SMG6: variants seen among roughly 807,000 people sequenced by gnomAD.
SMG6 encodes the protein telomerase-binding protein EST1A.
Under a neutral mutation model 142.2 loss-of-function variants are expected in SMG6, and 66 were observed. The observed-to-expected ratio is 0.46, with a 90% CI of 0.38 to 0.57. The LOEUF (loss-of-function observed/expected upper bound fraction) is 0.57. Ranked by LOEUF, SMG6 falls within the 20% of genes least tolerant of loss-of-function variation. The probability of loss-of-function intolerance (pLI) is 0.00; values close to 1 mark genes in which losing one functional copy is unlikely to be tolerated. For missense variants in SMG6, 1,793 were observed against 1,832.0 expected (o/e 0.98, Z 0.39); for synonymous variants, 779 against 702.4 (o/e 1.11, Z -1.72).
At chr17:2,064,177 G>T (rs1286136086) in intron 18 of SMG6, among the ~76,000 whole-genome samples, 1 of 152,142 alleles carries the variant, frequency 6.6e-6, no homozygotes, top group East Asian at 1.9e-4. Context: ...GAAAGGCAAT[G>T]ACAAGAGACC....
Position 2,292,948 on chromosome 17 carries a change from T to A in SMG6, c.2181A>T (p.Arg727=). 1 of 1,614,142 alleles carries A rather than the reference T, an allele frequency of 6.2e-7. No individual in the cohort carries two copies. The highest frequency in any genetic ancestry group is 1.3e-5 in the African/African-American group (1 of 75,060). ...CAATATCTCCTTGGCATATCATGCA[T>A]CGCTGGGCACTGATCAAGGCATATT... The part of the protein sequence containing the change: ...TVKYALISAQ[R]CMICQGDIAR... The change falls in exon 5 of 19, where the codon CGA becomes CGT. Residue 727 remains arginine, a synonymous_variant. Transcript: ENST00000263073.
rs2075229920 is a variant in SMG6 at position 2,299,709 on chromosome 17, G to C, written c.1044C>G (p.Gly348=). 6.2e-7 allele frequency: 1 copy of C among 1,614,060 alleles called. No homozygotes were observed. The highest frequency in any genetic ancestry group is 1.3e-5 in the African/African-American group (1 of 74,916). ...CTGCATCGAAAGTGACACGAAGAGT[G>C]CCTCGATATTCTTTAGCACTGTTTT... ...EQKNSAKEYR[G]TLRVTFDAEA... Residue 348 remains glycine (G), a synonymous_variant, in exon 2 of 19, where the codon GGC becomes GGG. Coordinates refer to ENST00000263073, the MANE Select transcript of SMG6 (RefSeq NM_017575.5). This position sits in a 1 kb window ranked among gnomAD's most constrained non-coding sequence, Gnocchi z 4.3.
intron 1 of SMG6, chr17:2,303,001 G>T (rs2075318532): frequency 1.0e-6 from 1 of 985,342 alleles, no homozygotes; most frequent in Admixed American, 6.1e-5. Context: ...GAGACACTTA[G>T]AATCTTTCTT....
chr17:2,105,801 C>T (rs1010261657), intron 13 of SMG6, among the ~76,000 whole-genome samples: 1 of 152,150 alleles, frequency 6.6e-6, no homozygotes, highest in Non-Finnish European at 1.5e-5. Context: ...CAGCTGAATA[C>T]TTGATGAGCT....
intron 1 of SMG6, 54 bp from the exon 2 acceptor site, chr17:2,300,718 A>C: frequency 6.8e-7 from 1 of 1,466,744 alleles, no homozygotes; most frequent in South Asian, 1.4e-5. Flanking sequence ...AAGAATAAAG[A>C]AGGAAGATAG....
chr17:2,292,531 C>T, intron 6 of SMG6, 21 bp downstream of exon 6: 2 of 1,612,228 alleles, frequency 1.2e-6, no homozygotes, highest in Non-Finnish European at 1.7e-6. Context: ...GCACTTTTCC[C>T]CTGTCCACAG....
At chr17:2,124,399 T>C (rs961697040) in intron 13 of SMG6, among the ~76,000 whole-genome samples, 8 of 152,236 alleles carry the variant, frequency 5.3e-5, no homozygotes, top group Non-Finnish European at 1.2e-4. Context: ...CTAGCCTCTT[T>C]TCAGGAGAGA....
chr17:2,093,941 G>C (rs927571532), intron 13 of SMG6, among the ~76,000 whole-genome samples: 2 of 152,070 alleles, frequency 1.3e-5, no homozygotes, highest in Non-Finnish European at 2.9e-5. Flanking sequence ...GAACTAAGGT[G>C]CTAGATCCAG....
intron 10 of SMG6, among the ~76,000 whole-genome samples, chr17:2,220,830 G>A (rs2073149544): frequency 6.6e-6 from 1 of 152,050 alleles, no homozygotes; most frequent in Non-Finnish European, 1.5e-5. Context: ...AAAACTCCTT[G>A]AATATTTATA....
At chr17:2,285,666 C>T (rs2074888833) in intron 6 of SMG6, among the ~76,000 whole-genome samples, 1 of 152,052 alleles carries the variant, frequency 6.6e-6, no homozygotes, top group South Asian at 2.1e-4. Context: ...CAGTGAGACC[C>T]TCTTTTCTTT....
Position 2,061,472 on chromosome 17 carries a change from G to C in SMG6, c.*20C>G, listed in dbSNP as rs2067773779. 6.4e-7 allele frequency: 1 copy of C among 1,565,830 alleles called. No individual in the cohort carries two copies. Among genetic ancestry groups the C allele is most frequent in the Non-Finnish European group, 8.6e-7 (1 of 1,157,290 alleles). The stretch of plus-strand genomic sequence containing the variant: ...CTTTCAGGAACGGTTCCACGGGGGG[G>C]GGGCCCCAGTGTGGCTCCCTCAGCC... On this transcript the variant is annotated 3_prime_UTR_variant, in exon 19 of 19. Transcript: ENST00000263073.
intron 8 of SMG6, among the ~76,000 whole-genome samples, chr17:2,278,514 T>C (rs1037898959): frequency 2.0e-5 from 3 of 152,164 alleles, no homozygotes; most frequent in Non-Finnish European, 4.4e-5. Context: ...CTAAACTATA[T>C]ATACATTACT....
At chr17:2,166,307 A>G (rs2071336986) in intron 13 of SMG6, among the ~76,000 whole-genome samples, 1 of 152,200 alleles carries the variant, frequency 6.6e-6, no homozygotes. Context: ...AGTGACCAGC[A>G]TCAAATCGTA....
intron 6 of SMG6, among the ~76,000 whole-genome samples, chr17:2,286,732 C>A (rs183389108): frequency 1.5e-4 from 22 of 151,364 alleles, no homozygotes; most frequent in Admixed American, 1.4e-3. Flanking sequence ...GTGAAAGGAA[C>A]AAAAGAAAAA....
At chr17:2,229,246 T>C (rs1340174000) in intron 10 of SMG6, 1 of 152,176 alleles carries the variant, frequency 6.6e-6, no homozygotes, top group Non-Finnish European at 1.5e-5. Flanking sequence ...ACAACAACCT[T>C]CTGCTAGCTT....
chr17:2,299,793 A>C lies in SMG6; in HGVS notation c.960T>G (p.Ser320Arg), dbSNP rs2075232723. The change falls in exon 2 of 19, where the codon AGT (serine) becomes AGG (arginine). Residue 320 changes from serine (S) to arginine (R), a missense_variant. Ser to Arg is a moderately radical substitution (Grantham distance 110). This residue lies in a region of SMG6 where 1,597 missense variants were observed against 1,584.6 expected (regional missense o/e 1.01). Transcript: ENST00000263073. This position sits in a 1 kb window ranked among gnomAD's most constrained non-coding sequence, Gnocchi z 4.3. ...DEPDGLGPRRSSERKRHLERN... is the reference protein window; with the variant it reads ...DEPDGLGPRRRSERKRHLERN... ...TTTCTAAATGTCTCTTCCTTTCTGA[A>C]CTTCTCCTGGGTCCTAATCCATCAG... 1.2e-6 allele frequency: 2 copies of C among 1,613,938 alleles called. No individual in the cohort carries two copies. The highest frequency in any genetic ancestry group is 1.7e-6 in the Non-Finnish European group (2 of 1,180,024).
intron 12 of SMG6, among the ~76,000 whole-genome samples, chr17:2,180,658 T>C (rs1387011379): frequency 6.6e-6 from 1 of 151,990 alleles, no homozygotes; most frequent in Non-Finnish European, 1.5e-5. Context: ...ACCCTGGAAT[T>C]CCCCTCAGAG....
intron 13 of SMG6, among the ~76,000 whole-genome samples, chr17:2,151,477 G>A (rs1200969469): frequency 6.6e-6 from 1 of 152,172 alleles, no homozygotes; most frequent in Non-Finnish European, 1.5e-5. Flanking sequence ...TGCTCCAACT[G>A]GGATCAGAAG....
chr17:2,227,963 G>T (rs1056564861), intron 10 of SMG6, among the ~76,000 whole-genome samples: 1 of 152,104 alleles, frequency 6.6e-6, no homozygotes, highest in Non-Finnish European at 1.5e-5. Flanking sequence ...GACAGAACTC[G>T]CAAACATATG....
Sources: gnomAD v4.1 joint callset for allele counts (sites outside exome capture counted in the v4.1 genomes callset) on GRCh38, gnomAD v4.1.1 for gene constraint, gnomAD v4.1.1 regional missense constraint, Gnocchi (gnomAD v3.1) non-coding constraint, MANE v1.5 for transcripts, NCBI Gene and HGNC (gene_info 2026-07-23, HGNC 2026-07-21) for gene names.